HS6ST1: variants seen among roughly 807,000 people sequenced by gnomAD.
HS6ST1 encodes heparan-sulfate 6-O-sulfotransferase 1.
Under a neutral mutation model 25.2 loss-of-function variants are expected in HS6ST1, and 3 were observed. The ratio of observed to expected loss-of-function variants is 0.12; its 90% CI spans 0.05 to 0.31. The LOEUF is 0.31. HS6ST1 is among the 10% of genes least tolerant of loss of function. The pLI is 1.00. For synonymous variants in HS6ST1, 204 were observed against 275.1 expected (o/e 0.74, Z 2.56); for missense variants, 310 against 609.6 (o/e 0.51, Z 5.18).
intron 1 of HS6ST1, among the ~76,000 whole-genome samples, chr2:128,291,312 C>T (rs549725780): frequency 1.3e-5 from 2 of 152,244 alleles, no homozygotes; most frequent in Non-Finnish European, 2.9e-5. Context: ...CTTTTCTTGC[C>T]CACTGCCCTT....
intron 1 of HS6ST1, among the ~76,000 whole-genome samples, chr2:128,287,897 T>C (rs6723230): frequency 0.54 from 82,730 of 152,112 alleles, 23,170 homozygotes; most frequent in East Asian, 0.77. Context: ...TGCTCGCCGG[T>C]CATGAAGGCT....
At chr2:128,304,736 A>G (rs1191163974) in intron 1 of HS6ST1, among the ~76,000 whole-genome samples, 1 of 152,232 alleles carries the variant, frequency 6.6e-6, no homozygotes, top group Non-Finnish European at 1.5e-5. Context: ...ACTGTGTCCC[A>G]TCAGAGTGCT....
chr2:128,287,929 G>A (rs1693889765), intron 1 of HS6ST1, among the ~76,000 whole-genome samples: 1 of 152,240 alleles, frequency 6.6e-6, no homozygotes, highest in Admixed American at 6.5e-5. Context: ...TTTCACACCT[G>A]CCTGCCTGGC....
intron 1 of HS6ST1, among the ~76,000 whole-genome samples, chr2:128,294,320 G>A (rs1573701482): frequency 1.3e-5 from 2 of 152,204 alleles, no homozygotes; most frequent in African/African-American, 2.4e-5. Context: ...GGCTGTGATG[G>A]AGGGCCCCGG....
At chr2:128,289,072 T>C (rs1228365911) in intron 1 of HS6ST1, among the ~76,000 whole-genome samples, 2 of 152,190 alleles carry the variant, frequency 1.3e-5, no homozygotes, top group African/African-American at 2.4e-5. Flanking sequence ...CTCTTGAATG[T>C]AGACTATTCT....
chr2:128,297,721 C>T lies in HS6ST1; in HGVS notation c.527+20316G>A, dbSNP rs574593848. On this transcript the variant is annotated intron_variant, in intron 1 of 1. Transcript: ENST00000259241. ...TGGTGGCACATGCCTGTAATCCCAG[C>T]GACTCAGGAGGCTGAGGCACGAGAA... Among the ~76,000 whole-genome samples, 5 of 151,832 alleles carry T rather than the reference C, an allele frequency of 3.3e-5. No homozygotes were observed. The South Asian group carries it at 8.3e-4, about 25-fold the overall frequency.
chr2:128,294,731 A>G (rs1014218994), intron 1 of HS6ST1, among the ~76,000 whole-genome samples: 4 of 150,908 alleles, frequency 2.7e-5, no homozygotes, highest in Non-Finnish European at 5.9e-5. Context: ...GGGAGACAAA[A>G]GAGGTCTTCG....
intron 1 of HS6ST1, among the ~76,000 whole-genome samples, chr2:128,296,524 G>A (rs757330159): frequency 6.6e-6 from 1 of 152,196 alleles, no homozygotes; most frequent in African/African-American, 2.4e-5. Flanking sequence ...TAACAATGTT[G>A]TTAAAGTAAA....
intron 1 of HS6ST1, among the ~76,000 whole-genome samples, chr2:128,300,348 A>G (rs1573704768): frequency 6.6e-6 from 1 of 151,940 alleles, no homozygotes; most frequent in East Asian, 2.0e-4. Flanking sequence ...AGAGGGGGGG[A>G]CCACCCACCC....
chr2:128,279,174 G>C (rs960629273), intron 1 of HS6ST1, among the ~76,000 whole-genome samples: 3 of 152,084 alleles, frequency 2.0e-5, no homozygotes, highest in Admixed American at 6.5e-5. Context: ...GAAGCTGATG[G>C]GGGTGCGGGG....
chr2:128,301,908 G>A (rs1025728574), intron 1 of HS6ST1, among the ~76,000 whole-genome samples: 3 of 152,316 alleles, frequency 2.0e-5, no homozygotes, highest in East Asian at 1.9e-4. Flanking sequence ...CATGCTGGCC[G>A]GTGTCTCCCT....
chr2:128,313,585 TC>T, intron 1 of HS6ST1, among the ~76,000 whole-genome samples: 1 of 152,102 alleles, frequency 6.6e-6, no homozygotes, highest in East Asian at 1.9e-4. Context: ...AGCCTCCAAC[TC>T]CCCGAAGGAC....
chr2:128,286,630 G>A (rs1693866599), intron 1 of HS6ST1, among the ~76,000 whole-genome samples: 1 of 152,154 alleles, frequency 6.6e-6, no homozygotes, highest in South Asian at 2.1e-4. Flanking sequence ...TTAAATGGTG[G>A]GAAAAAGGAA....
intron 1 of HS6ST1, among the ~76,000 whole-genome samples, chr2:128,271,434 T>G (rs1382483785): frequency 6.6e-6 from 1 of 152,038 alleles, no homozygotes; most frequent in Non-Finnish European, 1.5e-5. Context: ...AGGGTCCGGG[T>G]CACCTGCCTG....
intron 1 of HS6ST1, among the ~76,000 whole-genome samples, chr2:128,291,806 C>G (rs375344134): frequency 2.0e-5 from 3 of 152,246 alleles, no homozygotes; most frequent in East Asian, 1.9e-4. Context: ...ATGTGGCTAA[C>G]AGCTGTGCAG....
chr2:128,286,861 C>T (rs1276188136), intron 1 of HS6ST1, among the ~76,000 whole-genome samples: 2 of 152,208 alleles, frequency 1.3e-5, no homozygotes, highest in Non-Finnish European at 2.9e-5. Flanking sequence ...GCTGTGCCCA[C>T]CCAGATAGAG....
chr2:128,280,609 G>A (rs932548335), intron 1 of HS6ST1, among the ~76,000 whole-genome samples: 2 of 152,240 alleles, frequency 1.3e-5, no homozygotes, highest in South Asian at 2.1e-4. Flanking sequence ...GCGGCAGCAG[G>A]CTGGGGAGCC....
intron 1 of HS6ST1, among the ~76,000 whole-genome samples, chr2:128,269,351 G>A (rs947137670): frequency 2.6e-5 from 4 of 152,128 alleles, no homozygotes; most frequent in Non-Finnish European, 5.9e-5. Context: ...TGGGGGGGGG[G>A]TGCCCAGCGG....
At chr2:128,271,780 G>A (rs1693613087) in intron 1 of HS6ST1, among the ~76,000 whole-genome samples, 1 of 152,212 alleles carries the variant, frequency 6.6e-6, no homozygotes, top group Non-Finnish European at 1.5e-5. Context: ...CGAGGGCCCC[G>A]ATTGACCCGA....
Sources: gnomAD v4.1 joint callset for allele counts (sites outside exome capture counted in the v4.1 genomes callset) on GRCh38, gnomAD v4.1.1 for gene constraint, MANE v1.5 for transcripts, NCBI Gene and HGNC (gene_info 2026-07-23, HGNC 2026-07-21) for gene names.